Variants in RIMS1 observed in about 807,000 individuals in gnomAD.
RIMS1 encodes the protein regulating synaptic membrane exocytosis protein 1.
A neutral mutation model predicts 214.1 loss-of-function variants in RIMS1; 83 were observed. The observed-to-expected ratio is 0.39, with a 90% CI of 0.32 to 0.47. RIMS1 has a LOEUF of 0.47. Among genes scored for constraint, RIMS1 ranks in the 20% least tolerant of loss-of-function variants. The pLI is 0.99. For missense variants in RIMS1, 2,050 were observed against 2,161.8 expected, an observed-to-expected ratio of 0.95 and a Z score of 1.03; for synonymous variants, 793 against 786.8, an observed-to-expected ratio of 1.01 and a Z score of -0.13.
chr6:72,097,252 C>A (rs554363432), intron 3 of RIMS1, 90 bp downstream of exon 3: 3 of 1,098,480 alleles, frequency 2.7e-6, no homozygotes, highest in Non-Finnish European at 4.1e-6. Context: ...TCTTAGAAAG[C>A]AGACATGTGC....
At chr6:72,145,159 T>A (rs1031502607) in intron 4 of RIMS1, among the ~76,000 whole-genome samples, 23 of 152,220 alleles carry the variant, frequency 1.5e-4, no homozygotes, top group Non-Finnish European at 2.6e-4. Flanking sequence ...ATAGGCTTTT[T>A]AAAATTGGCT....
At chr6:72,250,822 G>A (rs1394548403) in intron 13 of RIMS1, 99 bp from the exon 14 acceptor site, 5 of 656,834 alleles carry the variant, frequency 7.6e-6, no homozygotes, top group African/African-American at 1.8e-5. Context: ...TGAGTTATTA[G>A]TTAAAATAAT....
At chr6:72,242,153 T>C (rs765001665) in intron 9 of RIMS1, among the ~76,000 whole-genome samples, 161 bp from the exon 10 acceptor site, 1 of 152,150 alleles carries the variant, frequency 6.6e-6, no homozygotes, top group Non-Finnish European at 1.5e-5. Context: ...AGAAGAACCA[T>C]TTAGCTGACA....
intron 15 of RIMS1, among the ~76,000 whole-genome samples, chr6:72,251,785 A>C (rs1461046658): frequency 6.6e-6 from 1 of 151,720 alleles, no homozygotes; most frequent in Non-Finnish European, 1.5e-5. Context: ...ATCTCGGCTC[A>C]CTGCAACCTG....
chr6:72,187,106 A>G (rs1414915501), intron 6 of RIMS1, among the ~76,000 whole-genome samples: 2 of 152,116 alleles, frequency 1.3e-5, no homozygotes, highest in Admixed American at 6.6e-5. Flanking sequence ...AGCCTGGGCG[A>G]TAGAGCGAGA....
intron 2 of RIMS1, among the ~76,000 whole-genome samples, chr6:71,997,591 A>G (rs1003224348): frequency 6.6e-6 from 1 of 152,240 alleles, no homozygotes; most frequent in African/African-American, 2.4e-5. Context: ...GTGTTATTGC[A>G]TAAGAACTGC....
At chr6:72,313,730 A>G in intron 28 of RIMS1, 58 bp downstream of exon 28, 6 of 1,482,366 alleles carry the variant, frequency 4.0e-6, no homozygotes, top group Non-Finnish European at 4.5e-6. Flanking sequence ...TAAAAATACA[A>G]CTAGCTTCCT....
chr6:72,307,619 C>T (rs1024308459), intron 27 of RIMS1, among the ~76,000 whole-genome samples: 21 of 150,052 alleles, frequency 1.4e-4, no homozygotes, highest in Non-Finnish European at 2.4e-4. Flanking sequence ...GCCGGGCGTG[C>T]GCCTGTAATC....
At chr6:71,889,077 C>T (rs1271853377) in intron 1 of RIMS1, among the ~76,000 whole-genome samples, 1 of 152,178 alleles carries the variant, frequency 6.6e-6, no homozygotes, top group African/African-American at 2.4e-5. Context: ...GCTGCTGTTC[C>T]TTTTGCTGTT....
At chr6:72,062,368 C>T (rs910253658) in intron 2 of RIMS1, among the ~76,000 whole-genome samples, 3 of 151,874 alleles carry the variant, frequency 2.0e-5, no homozygotes, top group Admixed American at 6.6e-5. Context: ...TCCCTTCTTG[C>T]CTCCTTCTTT....
intron 1 of RIMS1, among the ~76,000 whole-genome samples, chr6:71,952,976 CT>C (rs528992913): frequency 0.02 from 2,750 of 139,082 alleles, 35 homozygotes; most frequent in Middle Eastern, 0.045. Context: ...AGAAGCGCAT[CT>C]TTTTTTTTTT....
intron 2 of RIMS1, among the ~76,000 whole-genome samples, chr6:72,074,745 G>C (rs757213852): frequency 6.6e-6 from 1 of 152,138 alleles, no homozygotes; most frequent in Admixed American, 6.5e-5. Context: ...ATTGAGCTAA[G>C]GTAATTAAAG....
intron 31 of RIMS1, among the ~76,000 whole-genome samples, chr6:72,397,187 T>C (rs540168660): frequency 2.6e-5 from 4 of 151,860 alleles, no homozygotes; most frequent in Non-Finnish European, 5.9e-5. Flanking sequence ...ATGGGGAGAA[T>C]ACACCCAGAT....
chr6:72,044,969 GAATGAA>G (rs1822528159), intron 2 of RIMS1, among the ~76,000 whole-genome samples: 1 of 151,766 alleles, frequency 6.6e-6, no homozygotes, highest in South Asian at 2.1e-4. Flanking sequence ...CTTGGCTGGT[GAATGAA>G]TAAACAAATT....
intron 4 of RIMS1, among the ~76,000 whole-genome samples, chr6:72,139,047 T>C (rs913318513): frequency 6.6e-6 from 1 of 152,232 alleles, no homozygotes; most frequent in East Asian, 1.9e-4. Context: ...TATAACTGTT[T>C]ATATGTATAT....
chr6:72,192,393 T>C (rs1234394165), intron 6 of RIMS1, among the ~76,000 whole-genome samples: 3 of 152,192 alleles, frequency 2.0e-5, no homozygotes, highest in Non-Finnish European at 4.4e-5. Context: ...AAATTGTCGA[T>C]AGTGTAGTGG....
intron 2 of RIMS1, among the ~76,000 whole-genome samples, chr6:72,067,365 C>T (rs111348211): frequency 3.3e-4 from 51 of 152,296 alleles, no homozygotes; most frequent in African/African-American, 1.2e-3. Context: ...AAGCTTGTTC[C>T]TCCCTCAGTG....
At chr6:72,375,854 T>A (rs985910749) in intron 29 of RIMS1, among the ~76,000 whole-genome samples, 2 of 152,210 alleles carry the variant, frequency 1.3e-5, no homozygotes, top group Admixed American at 1.3e-4. Context: ...AATCTTTGCC[T>A]ACTGAATTAT....
chr6:72,242,643 A>G (rs2067448541), intron 10 of RIMS1, among the ~76,000 whole-genome samples: 1 of 151,822 alleles, frequency 6.6e-6, no homozygotes, highest in South Asian at 2.1e-4. Context: ...GAAGCTCCAC[A>G]CTTTAACAAT....
Sources: gnomAD v4.1 joint callset for allele counts (sites outside exome capture counted in the v4.1 genomes callset) on GRCh38, gnomAD v4.1.1 for gene constraint, MANE v1.5 for transcripts, NCBI Gene and HGNC (gene_info 2026-07-23, HGNC 2026-07-21) for gene names.